The following DNAH14 variants were observed in gnomAD, a reference collection of about 807,000 sequenced individuals.
DNAH14 encodes axonemal beta dynein heavy chain 14.
In DNAH14, 478 loss-of-function variants were observed where a neutral mutation model predicts 520.9. The observed-to-expected ratio is 0.92, with a 90% CI of 0.85 to 0.99. The LOEUF (loss-of-function observed/expected upper bound fraction) is 0.99, where lower values mean the gene tolerates loss of function less well. Ranked by LOEUF, DNAH14 falls within the 50% of genes least tolerant of loss-of-function variation. The pLI is 0.00. For synonymous variants in DNAH14, 1,581 were observed against 1,757.2 expected, an observed-to-expected ratio of 0.90 and a Z score of 2.51; for missense variants, 4,831 against 5,234.5, an observed-to-expected ratio of 0.92 and a Z score of 2.38.
At chr1:225,046,296 T>G (rs1481132492) in intron 15 of DNAH14, among the ~76,000 whole-genome samples, 1 of 152,098 alleles carries the variant, frequency 6.6e-6, no homozygotes, top group African/African-American at 2.4e-5. Context: ...TCACTTAGCA[T>G]TATATCATAG....
Position 225,346,027 on chromosome 1 carries a change from AT to A in DNAH14, c.10747del (p.Ser3583GlnfsTer34), listed in dbSNP as rs1345072797. 36 of 1,551,526 alleles carry A rather than the reference AT, an allele frequency of 2.3e-5. No homozygotes were observed. The highest frequency in any genetic ancestry group is 3.1e-5 in the Non-Finnish European group (35 of 1,146,984). ...AAAATCCAAAATGACATCAAACGAAATTTCAAAGCGCATCGAAGCAACAAAA... is the reference window on the plus strand; with the variant it reads ...AAAATCCAAAATGACATCAAACGAAATTCAAAGCGCATCGAAGCAACAAAA... Reference protein sequence around the residue: ...LRKSKMTSNEISKRIEATKKA... With the variant: ...LRKSKMTSNEXSKRIEATKKA... On this transcript the variant is annotated frameshift_variant, in exon 70 of 86. Transcript: ENST00000682510. LOFTEE classifies it high-confidence loss of function.
At chr1:225,042,239 T>C (rs1213976847) in intron 12 of DNAH14, among the ~76,000 whole-genome samples, 1 of 152,224 alleles carries the variant, frequency 6.6e-6, no homozygotes, top group Non-Finnish European at 1.5e-5. Context: ...AACTTAAGCA[T>C]AACGGATTAT....
chr1:225,316,585 G>C (rs2094470926), intron 60 of DNAH14, among the ~76,000 whole-genome samples: 1 of 152,142 alleles, frequency 6.6e-6, no homozygotes, highest in African/African-American at 2.4e-5. Context: ...GTCCCTCATG[G>C]CTTTCCTTGG....
chr1:225,262,229 A>G (rs2092959659), intron 46 of DNAH14, among the ~76,000 whole-genome samples: 2 of 151,202 alleles, frequency 1.3e-5, no homozygotes, highest in Non-Finnish European at 3.0e-5. Context: ...TTTCTTGTAG[A>G]TTCTGGATAT....
chr1:225,040,008 A>G (rs61849768), intron 12 of DNAH14, among the ~76,000 whole-genome samples: 103,318 of 137,372 alleles, frequency 0.75, 40,924 homozygotes, highest in Non-Finnish European at 0.88. Flanking sequence ...TGTGATCTCG[A>G]CTCACTGCAA....
At chr1:225,089,936 A>G (rs1558923203) in intron 21 of DNAH14, among the ~76,000 whole-genome samples, 1 of 152,184 alleles carries the variant, frequency 6.6e-6, no homozygotes, top group Non-Finnish European at 1.5e-5. Context: ...TCTATTCTAC[A>G]TTTTACTGGA....
At chr1:225,110,842 A>C (rs896161393) in intron 23 of DNAH14, among the ~76,000 whole-genome samples, 1 of 151,774 alleles carries the variant, frequency 6.6e-6, no homozygotes, top group Non-Finnish European at 1.5e-5. Context: ...TTCTGTTATT[A>C]TTTTCCAATT....
At position 225,264,262 on chromosome 1, in the gene DNAH14, G is replaced by A; in HGVS notation, c.7222+1G>A. 6.5e-7 allele frequency: 1 copy of A among 1,547,754 alleles called. No homozygotes were observed. The highest frequency in any genetic ancestry group is 8.7e-7 in the Non-Finnish European group (1 of 1,143,996). ...CATAAGACAGCAACTGGAAGTTCAG[G>A]TATATATTATAGTACAGTTTCAAAG... On this transcript the variant is annotated splice_donor_variant, in intron 47 of 85. Transcript: ENST00000682510. LOFTEE classifies it high-confidence loss of function.
intron 34 of DNAH14, among the ~76,000 whole-genome samples, chr1:225,155,117 A>C (rs1346132521): frequency 6.6e-6 from 1 of 152,172 alleles, no homozygotes; most frequent in Non-Finnish European, 1.5e-5. Flanking sequence ...ACAAAAATAT[A>C]AAGTTGGGCA....
At chr1:225,185,934 G>A (rs10915794) in intron 37 of DNAH14, among the ~76,000 whole-genome samples, 14,699 of 110,442 alleles carry the variant, frequency 0.13, 1,313 homozygotes, top group East Asian at 0.28. Flanking sequence ...TTTTCTATTC[G>A]CATTACACTT....
chr1:225,340,382 T>C, intron 68 of DNAH14, 75 bp from the exon 69 acceptor site: 2 of 1,419,446 alleles, frequency 1.4e-6, no homozygotes, highest in Middle Eastern at 1.9e-4. Context: ...AAATGCTTTA[T>C]GTATTTTTAA....
chr1:225,234,671 C>T (rs1392004543), intron 42 of DNAH14, among the ~76,000 whole-genome samples: 1 of 152,152 alleles, frequency 6.6e-6, no homozygotes, highest in East Asian at 1.9e-4. Context: ...TTCTTCTTAT[C>T]CATGAGCATA....
At chr1:225,381,714 A>AT in intron 81 of DNAH14, 135 bp downstream of exon 81, 1 of 747,128 alleles carries the variant, frequency 1.3e-6, no homozygotes, top group Non-Finnish European at 2.1e-6. Context: ...GTACTTTTTC[A>AT]TATTTTCACA....
intron 73 of DNAH14, among the ~76,000 whole-genome samples, chr1:225,357,029 T>A (rs1410815830): frequency 1.3e-5 from 2 of 152,080 alleles, no homozygotes; most frequent in East Asian, 3.8e-4. Flanking sequence ...GAGTTAGAAA[T>A]TGAGATTGTC....
intron 22 of DNAH14, among the ~76,000 whole-genome samples, chr1:225,100,076 A>C (rs1322908365): frequency 3.3e-5 from 5 of 152,192 alleles, no homozygotes; most frequent in Middle Eastern, 3.2e-3. Flanking sequence ...AACTAAAATT[A>C]ATATATTAAT....
intron 77 of DNAH14, among the ~76,000 whole-genome samples, chr1:225,371,364 T>C (rs547744466): frequency 6.6e-6 from 1 of 152,224 alleles, no homozygotes; most frequent in South Asian, 2.1e-4. Context: ...AGAAGAGGCA[T>C]TTGTTATGAA....
intron 41 of DNAH14, among the ~76,000 whole-genome samples, chr1:225,223,250 T>C (rs1449617311): frequency 6.6e-6 from 1 of 152,134 alleles, no homozygotes; most frequent in African/African-American, 2.4e-5. Flanking sequence ...ACCCATTTCT[T>C]TTGACACTTA....
At chr1:225,049,152 C>T (rs2068256964) in intron 15 of DNAH14, among the ~76,000 whole-genome samples, 1 of 137,302 alleles carries the variant, frequency 7.3e-6, no homozygotes. Flanking sequence ...CTCCACCTCC[C>T]AGGTTCAAGC....
chr1:225,130,443 A>T (rs1315882060), intron 27 of DNAH14, among the ~76,000 whole-genome samples: 1 of 152,120 alleles, frequency 6.6e-6, no homozygotes, highest in East Asian at 1.9e-4. Context: ...TGATAGACCG[A>T]ATTAAGAAAA....
Sources: gnomAD v4.1 joint callset for allele counts (sites outside exome capture counted in the v4.1 genomes callset) on GRCh38, gnomAD v4.1.1 for gene constraint, MANE v1.5 for transcripts, NCBI Gene and HGNC (gene_info 2026-07-23, HGNC 2026-07-21) for gene names.